The following LRRC8C variants were observed in gnomAD, a reference collection of about 807,000 sequenced individuals.
LRRC8C encodes leucine rich repeat containing 8 VRAC subunit C, also known as volume-regulated anion channel subunit LRRC8C.
A neutral mutation model predicts 55.3 loss-of-function variants in LRRC8C; 20 were observed. The observed-to-expected ratio is 0.36, with a 90% confidence interval of 0.25 to 0.53. The LOEUF (loss-of-function observed/expected upper bound fraction) is 0.53. Ranked by LOEUF, LRRC8C falls within the 20% of genes least tolerant of loss-of-function variation. The probability of loss-of-function intolerance (pLI) is 0.92; values close to 1 mark genes in which losing one functional copy is unlikely to be tolerated. For synonymous variants in LRRC8C, 376 were observed against 360.7 expected, an observed-to-expected ratio of 1.04 and a Z score of -0.48; for missense variants, 659 against 951.4, an observed-to-expected ratio of 0.69 and a Z score of 4.04.
At chr1:89,630,676 A>G (rs181844180), upstream of LRRC8C, among the ~76,000 whole-genome samples, 2 of 152,330 alleles carry the variant, frequency 1.3e-5, no homozygotes, top group Admixed American at 1.3e-4. Flanking sequence ...GTGTGTATGC[A>G]TGATTCCCAT....
At chr1:89,640,795 A>G (rs1047165336) in intron 1 of LRRC8C, among the ~76,000 whole-genome samples, 5 of 152,238 alleles carry the variant, frequency 3.3e-5, no homozygotes, top group African/African-American at 9.6e-5. Context: ...ATGGCATAAT[A>G]GAAAACATGC....
At chr1:89,695,557 G>T (rs1418521497) in intron 2 of LRRC8C, among the ~76,000 whole-genome samples, 1 of 152,140 alleles carries the variant, frequency 6.6e-6, no homozygotes, top group East Asian at 1.9e-4. Context: ...TTCACTTGTA[G>T]AACACTTGTA....
intron 1 of LRRC8C, among the ~76,000 whole-genome samples, chr1:89,638,948 A>G (rs1656374710): frequency 9.0e-6 from 1 of 111,116 alleles, no homozygotes; most frequent in Admixed American, 9.7e-5. Flanking sequence ...GTTTTAAACT[A>G]TAATTTTTTA....
Position 89,714,023 on chromosome 1 carries a change from G to T in LRRC8C, c.1453G>T (p.Ala485Ser), listed in dbSNP as rs749754612. ...HQCSVKIHSA[A>S]LSFLKENLKV... The stretch of plus-strand genomic sequence containing the variant: ...GTGTTCTGTCAAAATCCACAGTGCG[G>T]CGCTCTCTTTCCTGAAGGAAAACCT... The change falls in exon 3 of 3, where the codon GCG becomes TCG. Residue 485 changes from alanine (A) to serine (S), a missense_variant. This residue lies in a region of LRRC8C where 344 missense variants were observed against 464.6 expected (regional missense o/e 0.74). Coordinates refer to ENST00000370454, the MANE Select transcript of LRRC8C (RefSeq NM_032270.5). This position sits in a 1 kb window ranked among gnomAD's most constrained non-coding sequence, Gnocchi z 4.6. 6.2e-7 allele frequency: 1 copy of T among 1,613,444 alleles called. No individual in the cohort carries two copies. Among genetic ancestry groups the T allele is most frequent in the South Asian group, 1.1e-5 (1 of 91,076 alleles).
intron 2 of LRRC8C, among the ~76,000 whole-genome samples, chr1:89,707,342 G>A (rs568598543): frequency 9.2e-5 from 14 of 152,122 alleles, no homozygotes; most frequent in Admixed American, 2.6e-4. Context: ...GGGAGGCGGA[G>A]GTTGCAGTGA....
chr1:89,637,716 T>C (rs1376515109), intron 1 of LRRC8C, among the ~76,000 whole-genome samples: 1 of 152,112 alleles, frequency 6.6e-6, no homozygotes, highest in African/African-American at 2.4e-5. Flanking sequence ...CTCAGAACTT[T>C]GTTTGAAATA....
At chr1:89,699,128 T>C (rs1192971065) in intron 2 of LRRC8C, among the ~76,000 whole-genome samples, 2 of 152,172 alleles carry the variant, frequency 1.3e-5, no homozygotes, top group Admixed American at 6.6e-5. Flanking sequence ...AAGAAGCTAA[T>C]CTTAAAAGGA....
intron 1 of LRRC8C, among the ~76,000 whole-genome samples, chr1:89,648,161 C>T (rs982871263): frequency 2.0e-5 from 3 of 152,178 alleles, no homozygotes; most frequent in East Asian, 1.9e-4. Context: ...GTTTATAAAT[C>T]GAATACATAG....
the LRRC8C span, among the ~76,000 whole-genome samples, chr1:89,621,134 C>T: frequency 6.6e-6 from 1 of 152,092 alleles, no homozygotes; most frequent in African/African-American, 2.4e-5. Flanking sequence ...ATGATTTCCT[C>T]ATCATCCTAA....
chr1:89,642,138 C>T (rs1656474277), intron 1 of LRRC8C, among the ~76,000 whole-genome samples: 1 of 152,182 alleles, frequency 6.6e-6, no homozygotes, highest in African/African-American at 2.4e-5. Context: ...TAATTTATCT[C>T]CATCAGATTT....
At chr1:89,684,305 A>G (rs1321424817) in intron 1 of LRRC8C, among the ~76,000 whole-genome samples, 9 of 152,326 alleles carry the variant, frequency 5.9e-5, no homozygotes, top group Non-Finnish European at 7.4e-5. Flanking sequence ...AAAGAAACCT[A>G]TGGAGGAGAC....
chr1:89,689,844 G>A (rs902055520), intron 2 of LRRC8C, among the ~76,000 whole-genome samples: 1 of 152,002 alleles, frequency 6.6e-6, no homozygotes, highest in African/African-American at 2.4e-5. Flanking sequence ...GGGAGGCTGG[G>A]GCAGGAGAAT....
chr1:89,625,506 C>A, the LRRC8C span, among the ~76,000 whole-genome samples: 1 of 151,796 alleles, frequency 6.6e-6, no homozygotes, highest in Non-Finnish European at 1.5e-5. Context: ...CCTAAAGAGA[C>A]AAAAATATGA....
intron 2 of LRRC8C, among the ~76,000 whole-genome samples, chr1:89,693,808 C>T (rs1658093101): frequency 6.6e-6 from 1 of 151,714 alleles, no homozygotes; most frequent in Non-Finnish European, 1.5e-5. Context: ...AAGCATGCAC[C>T]ACCACACCCA....
At chr1:89,685,423 T>C (rs1054641595) in intron 1 of LRRC8C, among the ~76,000 whole-genome samples, 3 of 152,216 alleles carry the variant, frequency 2.0e-5, no homozygotes, top group African/African-American at 4.8e-5. Flanking sequence ...CCATTGTCTA[T>C]CTAGTTCTTA....
rs1050694581 is a variant in LRRC8C at position 89,671,576 on chromosome 1, C to G, written c.-4-14894C>G. On this transcript the variant is annotated intron_variant, in intron 1 of 2. Coordinates refer to ENST00000370454, the MANE Select transcript of LRRC8C (RefSeq NM_032270.5). ...CAGTCTCAGGAGATTGTTGAGCAGC[C>G]CATGACCGGTGATGACCATCCCACT... Among the ~76,000 whole-genome samples the G allele has an allele frequency of 1.1e-4, 17 of 152,188 alleles. No homozygotes were observed. In the South Asian group the frequency reaches 3.3e-3, roughly 30 times the overall value.
intron 1 of LRRC8C, among the ~76,000 whole-genome samples, chr1:89,659,067 G>GTGTGTGT (rs1657041387): frequency 1.7e-5 from 1 of 57,854 alleles, no homozygotes; most frequent in African/African-American, 7.1e-5. Flanking sequence ...TTTTTTGTGT[G>GTGTGTGT]TGTGTGTGTG....
chr1:89,686,421 T>C, intron 1 of LRRC8C, 49 bp from the exon 2 acceptor site: 3 of 1,600,886 alleles, frequency 1.9e-6, no homozygotes, highest in South Asian at 2.2e-5. Flanking sequence ...CAATGCAGTA[T>C]GTTGTACTGG....
intron 2 of LRRC8C, among the ~76,000 whole-genome samples, chr1:89,692,623 A>G (rs934913798): frequency 8.5e-5 from 13 of 152,228 alleles, no homozygotes; most frequent in Admixed American, 1.3e-4. Context: ...CAAGGCTGCC[A>G]TGAAATAAGA....
Sources: allele counts gnomAD v4.1 joint callset (sites outside exome capture counted in the v4.1 genomes callset), GRCh38; gene constraint gnomAD v4.1.1; regional missense constraint gnomAD v4.1.1; non-coding constraint Gnocchi (gnomAD v3.1); transcripts MANE v1.5; gene names NCBI Gene and HGNC (gene_info 2026-07-23, HGNC 2026-07-21).